Variants in HECTD4 observed in about 807,000 individuals in gnomAD.
The protein encoded by HECTD4 is probable E3 ubiquitin-protein ligase HECTD4.
HECTD4 carries 114 observed loss-of-function variants against 471.5 expected under a neutral mutation model. That is an observed-to-expected ratio of 0.24 (90% CI 0.21 to 0.28). The LOEUF is 0.28. Among genes scored for constraint, HECTD4 ranks in the 10% least tolerant of loss-of-function variants. HECTD4 has a pLI of 1.00. For synonymous variants in HECTD4, 2,012 were observed against 2,256.0 expected (o/e 0.89, Z 3.07); for missense variants, 3,866 against 5,651.5 (o/e 0.68, Z 10.13).
intron 7 of HECTD4, among the ~76,000 whole-genome samples, chr12:112,289,886 A>G (rs1478365276): frequency 6.6e-6 from 1 of 151,460 alleles, no homozygotes; most frequent in Non-Finnish European, 1.5e-5. Flanking sequence ...CATGTTGGCC[A>G]GGCTGGTCTC....
intron 1 of HECTD4, among the ~76,000 whole-genome samples, chr12:112,366,555 T>C (rs2036563379): frequency 6.6e-6 from 1 of 151,602 alleles, no homozygotes; most frequent in South Asian, 2.1e-4. Context: ...AAAAATTGCC[T>C]GTTGCTGGGC....
At chr12:112,300,886 C>CTT (rs201073237) in intron 7 of HECTD4, among the ~76,000 whole-genome samples, 2 of 151,566 alleles carry the variant, frequency 1.3e-5, no homozygotes, top group Admixed American at 6.6e-5. Flanking sequence ...ACTTCTTTTT[C>CTT]TTTTTCTTTT....
In HECTD4 at chr12:112,228,394, A is replaced by C. The variant is rs2033294908; in HGVS notation, c.6685-136T>G. 9.0e-6 allele frequency: 9 copies of C among 1,002,978 alleles called. No individual in the cohort carries two copies. The East Asian group carries it at 2.7e-4, about 30-fold the overall frequency. The allele number at this position is 1,002,978 out of a possible 1,614,324, so 62.1% of individuals were successfully genotyped here. Reference sequence around the variant, plus strand: ...ATAAAATCACCATACAGAAAACTACAAACCACATCAAAACAATTAAAAATA... The same window carrying C: ...ATAAAATCACCATACAGAAAACTACCAACCACATCAAAACAATTAAAAATA... On this transcript the variant is annotated intron_variant, in intron 42 of 75. Coordinates refer to ENST00000682272, the MANE Select transcript of HECTD4 (RefSeq NM_001388303.1). This position sits in a 1 kb window ranked among gnomAD's most constrained non-coding sequence, Gnocchi z 4.9.
chr12:112,286,184 G>A (rs541429386), intron 7 of HECTD4, among the ~76,000 whole-genome samples: 136 of 152,304 alleles, frequency 8.9e-4, no homozygotes, highest in Non-Finnish European at 1.4e-3. Context: ...CGCTCTTCAG[G>A]GTAAGAAGCT....
At chr12:112,251,915 G>A (rs2033898644) in intron 23 of HECTD4, among the ~76,000 whole-genome samples, 1 of 152,140 alleles carries the variant, frequency 6.6e-6, no homozygotes, top group Non-Finnish European at 1.5e-5. Flanking sequence ...AGGACTACAG[G>A]TGCCCACCAC....
At chr12:112,202,352 C>T (rs942345722) in intron 54 of HECTD4, among the ~76,000 whole-genome samples, 4 of 151,676 alleles carry the variant, frequency 2.6e-5, no homozygotes, top group Admixed American at 1.3e-4. Flanking sequence ...ACTACAGGTT[C>T]GTGCCACCAT....
In HECTD4 at chr12:112,338,394, G is replaced by A. The variant is rs150910335; in HGVS notation, c.178-18652C>T. On this transcript the variant is annotated intron_variant, in intron 1 of 75. Transcript: ENST00000682272. ...GTTCTACTTTGCGAGGCTCAAGTGG[G>A]CAGATCACTGGAGGCCAGGAATTTG... Among the ~76,000 whole-genome samples the A allele has an allele frequency of 2.4e-3, 366 of 152,300 alleles. 1 individual carries two copies. The highest frequency in any genetic ancestry group is 7.1e-3 in the African/African-American group (294 of 41,552).
In HECTD4 at chr12:112,319,415, C is replaced by A; in HGVS notation, c.505G>T (p.Ala169Ser). 2 of 1,536,122 alleles carry A rather than the reference C, an allele frequency of 1.3e-6. No individual in the cohort carries two copies. The highest frequency in any genetic ancestry group is 1.7e-6 in the Non-Finnish European group (2 of 1,146,898). ...RTDPSLCNIT[A>S]EVLLNCLRDC... ...CGAAGGCAGTTCAATAGCACCTCAG[C>A]AGTTATGTTACAGAGAGAGGGGTCT... Residue 169 changes from alanine (A) to serine (S), a missense_variant, in exon 2 of 76, where the codon GCT becomes TCT. Ala to Ser is a moderately conservative substitution (Grantham distance 99). This residue lies in a region of HECTD4 where 440 missense variants were observed against 636.0 expected (regional missense o/e 0.69). Coordinates refer to ENST00000682272, the MANE Select transcript of HECTD4 (RefSeq NM_001388303.1). The surrounding 1 kb of genome is among the most constrained non-coding windows in gnomAD (Gnocchi z 5.3).
intron 1 of HECTD4, among the ~76,000 whole-genome samples, chr12:112,321,521 G>C (rs745811771): frequency 6.6e-6 from 1 of 152,200 alleles, no homozygotes; most frequent in Non-Finnish European, 1.5e-5. Flanking sequence ...AGGGTGGGAA[G>C]AGGCCTGGGA....
chr12:112,356,368 C>A (rs528147012), intron 1 of HECTD4, among the ~76,000 whole-genome samples: 50 of 152,232 alleles, frequency 3.3e-4, no homozygotes, highest in Admixed American at 3.3e-3. Flanking sequence ...GCTGAAAAAT[C>A]CCCAGTAACT....
chr12:112,364,688 G>A (rs995682592), intron 1 of HECTD4, among the ~76,000 whole-genome samples: 1 of 152,070 alleles, frequency 6.6e-6, no homozygotes, highest in East Asian at 1.9e-4. Context: ...GTGACTGCGC[G>A]CCACTGCCCT....
In HECTD4 at chr12:112,312,620, G is replaced by A. The variant is rs188811977; in HGVS notation, c.916+397C>T. Among the ~76,000 whole-genome samples, 74 of 152,268 alleles carry A rather than the reference G, an allele frequency of 4.9e-4. No homozygotes were observed. The East Asian group carries it at 0.01, about 21-fold the overall frequency. The stretch of plus-strand genomic sequence containing the variant: ...TCTTCATTTTTTGCTTTTAGGACAG[G>A]AGGGCTCATTAACACACACACAATA... On this transcript the variant is annotated intron_variant, in intron 4 of 75. Transcript: ENST00000682272.
At chr12:112,326,531 CAG>C (rs915338938) in intron 1 of HECTD4, among the ~76,000 whole-genome samples, 75 of 152,192 alleles carry the variant, frequency 4.9e-4, no homozygotes, top group African/African-American at 1.8e-3. Context: ...GATGATCAAT[CAG>C]ATCATTTTAG....
chr12:112,262,983 C>T (rs373056972), intron 17 of HECTD4, among the ~76,000 whole-genome samples: 119 of 152,120 alleles, frequency 7.8e-4, no homozygotes, highest in African/African-American at 2.8e-3. Flanking sequence ...AATGATGAGC[C>T]AAATCATGTT....
At chr12:112,315,202 C>G (rs1423243900) in intron 2 of HECTD4, among the ~76,000 whole-genome samples, 2 of 152,156 alleles carry the variant, frequency 1.3e-5, no homozygotes, top group African/African-American at 4.8e-5. Flanking sequence ...ACAAGACTTA[C>G]CTGGCCGCAT....
chr12:112,253,690 C>G (rs535275435), intron 22 of HECTD4, among the ~76,000 whole-genome samples: 1 of 152,316 alleles, frequency 6.6e-6, no homozygotes, highest in East Asian at 1.9e-4. Flanking sequence ...TAACTCAATA[C>G]TTTTACACTG....
intron 7 of HECTD4, among the ~76,000 whole-genome samples, chr12:112,294,477 T>A (rs189564708): frequency 9.8e-4 from 150 of 152,338 alleles, no homozygotes; most frequent in Admixed American, 1.8e-3. Context: ...AGGTACTTTT[T>A]AAAATCTATT....
chr12:112,318,955 G>T (rs2035537604), intron 2 of HECTD4, among the ~76,000 whole-genome samples: 1 of 152,190 alleles, frequency 6.6e-6, no homozygotes, highest in Non-Finnish European at 1.5e-5. Flanking sequence ...GATATGTCAA[G>T]GGTTGATTCT....
intron 7 of HECTD4, among the ~76,000 whole-genome samples, chr12:112,296,177 GCAGTGGATGTAGGTT>G (rs1478485666): frequency 6.6e-6 from 1 of 151,544 alleles, no homozygotes; most frequent in Non-Finnish European, 1.5e-5. Context: ...GGGTGTAGGT[GCAGTGGATGTAGGTT>G]CAGTGGATGT....
Sources: allele counts gnomAD v4.1 joint callset (sites outside exome capture counted in the v4.1 genomes callset), GRCh38; gene constraint gnomAD v4.1.1; regional missense constraint gnomAD v4.1.1; non-coding constraint Gnocchi (gnomAD v3.1); transcripts MANE v1.5; gene names NCBI Gene and HGNC (gene_info 2026-07-23, HGNC 2026-07-21).